The following LUZP2 variants were observed in gnomAD, a reference collection of about 807,000 sequenced individuals.
LUZP2 encodes leucine zipper protein 2.
A neutral mutation model predicts 51.6 loss-of-function variants in LUZP2; 52 were observed. That is an observed-to-expected ratio of 1.01 (90% CI 0.81 to 1.27). The LOEUF is 1.27. Ranked by LOEUF, LUZP2 falls within the 50% of genes most tolerant of loss-of-function variation. The pLI is 0.00. For missense variants in LUZP2, 436 were observed against 395.4 expected (o/e 1.10, Z -0.87); for synonymous variants, 154 against 137.3 (o/e 1.12, Z -0.85).
intron 5 of LUZP2, among the ~76,000 whole-genome samples, chr11:24,868,042 G>C (rs1180343411): frequency 6.6e-6 from 1 of 152,028 alleles, no homozygotes; most frequent in African/African-American, 2.4e-5. Flanking sequence ...ATTAGACCTT[G>C]TTCAGCCATC....
chr11:24,952,266 A>G (rs1855099578), intron 7 of LUZP2, among the ~76,000 whole-genome samples: 1 of 151,778 alleles, frequency 6.6e-6, no homozygotes, highest in South Asian at 2.1e-4. Context: ...ATATTATAAT[A>G]TAAAAATGAT....
At chr11:24,754,799 G>A (rs1324015016) in intron 4 of LUZP2, among the ~76,000 whole-genome samples, 1 of 152,146 alleles carries the variant, frequency 6.6e-6, no homozygotes, top group African/African-American at 2.4e-5. Context: ...TCAGTAGTGA[G>A]CTGTAGGTCC....
intron 9 of LUZP2, among the ~76,000 whole-genome samples, chr11:25,015,039 T>G (rs1043620860): frequency 6.6e-6 from 1 of 152,180 alleles, no homozygotes; most frequent in Non-Finnish European, 1.5e-5. Flanking sequence ...TTTGTCAGGT[T>G]TGTCAAAGAT....
intron 7 of LUZP2, among the ~76,000 whole-genome samples, chr11:24,966,004 A>G (rs1480962042): frequency 1.3e-5 from 2 of 151,772 alleles, no homozygotes; most frequent in Admixed American, 6.6e-5. Context: ...TCCTGGAGTA[A>G]TTTTTAGATA....
intron 5 of LUZP2, among the ~76,000 whole-genome samples, chr11:24,904,590 C>T (rs1590712008): frequency 6.6e-6 from 1 of 152,050 alleles, no homozygotes; most frequent in East Asian, 1.9e-4. Context: ...ACCTATTTTG[C>T]CAATTTTTGA....
At chr11:24,996,459 C>T (rs1856501196) in intron 9 of LUZP2, among the ~76,000 whole-genome samples, 1 of 151,836 alleles carries the variant, frequency 6.6e-6, no homozygotes, top group African/African-American at 2.4e-5. Flanking sequence ...GGGGTTTCCA[C>T]AAAATGCCAC....
intron 1 of LUZP2, among the ~76,000 whole-genome samples, chr11:24,727,719 G>C (rs1449397359): frequency 6.6e-6 from 1 of 151,942 alleles, no homozygotes; most frequent in Non-Finnish European, 1.5e-5. Context: ...TCTGATTACT[G>C]GTTGACTACT....
chr11:25,076,046 T>A (rs1367314000), intron 10 of LUZP2, among the ~76,000 whole-genome samples: 4 of 151,982 alleles, frequency 2.6e-5, no homozygotes, highest in African/African-American at 9.7e-5. Context: ...AGGATCTCAC[T>A]CTGTAGCCTA....
intron 1 of LUZP2, among the ~76,000 whole-genome samples, chr11:24,568,561 G>A (rs541261589): frequency 1.3e-5 from 2 of 151,916 alleles, no homozygotes; most frequent in Non-Finnish European, 2.9e-5. Flanking sequence ...GAATTGAAGG[G>A]AGAACTTTAC....
chr11:24,684,711 A>T (rs1436148944), intron 1 of LUZP2, among the ~76,000 whole-genome samples: 1 of 152,172 alleles, frequency 6.6e-6, no homozygotes, highest in East Asian at 1.9e-4. Flanking sequence ...GGAGGTCTCC[A>T]GCTGTCTTGC....
intron 1 of LUZP2, among the ~76,000 whole-genome samples, chr11:24,514,496 AAC>A (rs1285491760): frequency 6.6e-6 from 1 of 152,168 alleles, no homozygotes; most frequent in East Asian, 1.9e-4. Flanking sequence ...ATTAAGGGAA[AAC>A]ACATAATAAG....
chr11:24,793,235 G>T (rs376798618), intron 5 of LUZP2, among the ~76,000 whole-genome samples: 36 of 152,210 alleles, frequency 2.4e-4, no homozygotes, highest in Admixed American at 1.1e-3. Flanking sequence ...TTGTGTCAAA[G>T]TTCAGCCTTA....
intron 9 of LUZP2, among the ~76,000 whole-genome samples, chr11:25,042,876 G>A (rs1169089776): frequency 6.6e-6 from 1 of 152,164 alleles, no homozygotes; most frequent in Non-Finnish European, 1.5e-5. Context: ...ATCCTATGGA[G>A]TGAAATCTGT....
At chr11:25,014,147 C>G (rs1857068816) in intron 9 of LUZP2, among the ~76,000 whole-genome samples, 1 of 152,184 alleles carries the variant, frequency 6.6e-6, no homozygotes, top group Admixed American at 6.5e-5. Context: ...TCCAGTCTAT[C>G]ATTGTTGGAC....
At chr11:24,498,567 C>G (rs918737068) in intron 1 of LUZP2, among the ~76,000 whole-genome samples, 3 of 152,146 alleles carry the variant, frequency 2.0e-5, no homozygotes, top group Non-Finnish European at 4.4e-5. Flanking sequence ...TTTGATTCTT[C>G]ATTTTCTGTA....
intron 1 of LUZP2, among the ~76,000 whole-genome samples, chr11:24,524,218 A>G (rs1393421755): frequency 6.6e-6 from 1 of 151,806 alleles, no homozygotes; most frequent in African/African-American, 2.4e-5. Flanking sequence ...TTTTTAATAA[A>G]ACAGTTTTTA....
chr11:24,764,577 T>C (rs1860114081), intron 5 of LUZP2, among the ~76,000 whole-genome samples: 2 of 151,498 alleles, frequency 1.3e-5, no homozygotes, highest in African/African-American at 4.8e-5. Context: ...GGCAGGAGGA[T>C]TGCTTGAGCC....
chr11:24,725,712 G>A (rs888881548), intron 1 of LUZP2, among the ~76,000 whole-genome samples: 7 of 152,098 alleles, frequency 4.6e-5, no homozygotes, highest in African/African-American at 1.7e-4. Flanking sequence ...AAATGTAATA[G>A]GTTGGAATAT....
At chr11:24,543,733 A>G (rs1304385388) in intron 1 of LUZP2, among the ~76,000 whole-genome samples, 1 of 141,136 alleles carries the variant, frequency 7.1e-6, no homozygotes, top group African/African-American at 2.6e-5. Context: ...AGGCAGGAGA[A>G]TCTCTTGAAC....
Sources: gnomAD v4.1 joint callset for allele counts (sites outside exome capture counted in the v4.1 genomes callset) on GRCh38, gnomAD v4.1.1 for gene constraint, MANE v1.5 for transcripts, NCBI Gene and HGNC (gene_info 2026-07-23, HGNC 2026-07-21) for gene names.